The following CCDC102B variants were observed in gnomAD, a reference collection of about 807,000 sequenced individuals.
CCDC102B encodes coiled-coil domain-containing protein 102B.
CCDC102B carries 75 observed loss-of-function variants against 57.4 expected under a neutral mutation model. The ratio of observed to expected loss-of-function variants is 1.31; its 90% CI spans 1.08 to 1.58. The LOEUF is 1.58. Among genes scored for constraint, CCDC102B ranks in the 40% most tolerant of loss-of-function variants. The pLI is 0.00. For synonymous variants in CCDC102B, 206 were observed against 201.9 expected, an observed-to-expected ratio of 1.02 and a Z score of -0.17; for missense variants, 636 against 582.6, an observed-to-expected ratio of 1.09 and a Z score of -0.94.
At chr18:68,951,057 G>A (rs1411403726) in intron 6 of CCDC102B, among the ~76,000 whole-genome samples, 2 of 152,076 alleles carry the variant, frequency 1.3e-5, no homozygotes, top group East Asian at 3.9e-4. Flanking sequence ...AAGACTGATT[G>A]TGTAGGATTT....
chr18:68,821,548 T>G (rs2036689674), intron 1 of CCDC102B, among the ~76,000 whole-genome samples: 1 of 148,718 alleles, frequency 6.7e-6, no homozygotes. Context: ...ATACAGAGTT[T>G]TGTCCTATCT....
intron 2 of CCDC102B, among the ~76,000 whole-genome samples, chr18:68,737,740 C>G (rs1479179352): frequency 6.6e-6 from 1 of 152,102 alleles, no homozygotes; most frequent in African/African-American, 2.4e-5. Flanking sequence ...TTCATGATTA[C>G]AGTTAATTGC....
intron 6 of CCDC102B, among the ~76,000 whole-genome samples, chr18:68,999,240 G>T (rs1035241544): frequency 1.3e-5 from 2 of 151,884 alleles, no homozygotes; most frequent in East Asian, 3.9e-4. Context: ...TGCTTTGAGG[G>T]GAAAAAGAGA....
At chr18:68,853,450 C>A (rs187169616) in intron 4 of CCDC102B, among the ~76,000 whole-genome samples, 10 of 151,640 alleles carry the variant, frequency 6.6e-5, no homozygotes, top group Non-Finnish European at 1.2e-4. Flanking sequence ...ATTACTATAT[C>A]GCTCTCATAC....
chr18:68,785,162 C>A (rs182759884), intron 2 of CCDC102B, among the ~76,000 whole-genome samples: 15,290 of 151,716 alleles, frequency 0.1, 1,007 homozygotes, highest in East Asian at 0.29. Flanking sequence ...TGAACTCATC[C>A]TTTTTTATGG....
At chr18:68,853,679 A>G (rs1461869699) in intron 4 of CCDC102B, among the ~76,000 whole-genome samples, 1 of 66,668 alleles carries the variant, frequency 1.5e-5, no homozygotes, top group Non-Finnish European at 3.5e-5. Flanking sequence ...TTGTAAAAAA[A>G]AAAAAAAAAA....
intron 1 of CCDC102B, among the ~76,000 whole-genome samples, chr18:68,808,579 G>A (rs1297015781): frequency 6.9e-6 from 1 of 144,336 alleles, no homozygotes; most frequent in African/African-American, 2.6e-5. Context: ...CTGGGTTCAC[G>A]CCATTCTCCT....
intron 6 of CCDC102B, among the ~76,000 whole-genome samples, chr18:68,988,620 A>T (rs2050786599): frequency 6.6e-6 from 1 of 152,188 alleles, no homozygotes; most frequent in Admixed American, 6.5e-5. Context: ...GAACTCGGAA[A>T]TATAATACCT....
intron 2 of CCDC102B, among the ~76,000 whole-genome samples, chr18:68,784,920 G>A (rs2035141444): frequency 6.6e-6 from 1 of 151,650 alleles, no homozygotes; most frequent in African/African-American, 2.4e-5. Context: ...CTGGTGCGCT[G>A]CACCCACCAA....
At chr18:68,935,614 A>G (rs748763370) in intron 6 of CCDC102B, among the ~76,000 whole-genome samples, 1 of 151,916 alleles carries the variant, frequency 6.6e-6, no homozygotes, top group Non-Finnish European at 1.5e-5. Context: ...TTCAGCTTAT[A>G]ATGTTGGTTT....
At chr18:68,968,051 T>C (rs2050207376) in intron 6 of CCDC102B, among the ~76,000 whole-genome samples, 1 of 152,160 alleles carries the variant, frequency 6.6e-6, no homozygotes, top group Non-Finnish European at 1.5e-5. Context: ...ACAGTGATAA[T>C]GATTACACTA....
chr18:69,051,815 T>A (rs780978691), intron 7 of CCDC102B, among the ~76,000 whole-genome samples: 7 of 151,984 alleles, frequency 4.6e-5, no homozygotes, highest in Non-Finnish European at 7.4e-5. Context: ...TATGTACCTT[T>A]CAAAATGTGT....
chr18:68,730,922 G>A (rs2032831053), intron 2 of CCDC102B, among the ~76,000 whole-genome samples: 2 of 152,072 alleles, frequency 1.3e-5, no homozygotes, highest in Non-Finnish European at 1.5e-5. Context: ...ATCTTCTTTG[G>A]CACATTTAAA....
At chr18:68,850,263 T>C (rs1048718938) in intron 4 of CCDC102B, among the ~76,000 whole-genome samples, 4 of 152,078 alleles carry the variant, frequency 2.6e-5, no homozygotes, top group African/African-American at 7.2e-5. Flanking sequence ...GATAAATATA[T>C]TTTGAGGACT....
intron 2 of CCDC102B, among the ~76,000 whole-genome samples, chr18:68,787,277 G>C (rs2035249633): frequency 6.6e-6 from 1 of 151,450 alleles, no homozygotes; most frequent in Non-Finnish European, 1.5e-5. Context: ...AAGGATATTG[G>C]TCTAAAATTC....
At chr18:68,871,640 A>T (rs1175575558) in intron 4 of CCDC102B, among the ~76,000 whole-genome samples, 2 of 151,714 alleles carry the variant, frequency 1.3e-5, no homozygotes, top group Non-Finnish European at 2.9e-5. Context: ...ATTATTTTTT[A>T]TTTATTTTTT....
chr18:68,896,320 C>A (rs573547984), intron 5 of CCDC102B, among the ~76,000 whole-genome samples: 222 of 151,898 alleles, frequency 1.5e-3, no homozygotes, highest in Middle Eastern at 3.4e-3. Flanking sequence ...ATAACAAAAA[C>A]CAAAGGAGAT....
chr18:68,805,783 A>G lies in CCDC102B; in HGVS notation c.-16+7602A>G, dbSNP rs56899025. Among the ~76,000 whole-genome samples the G allele has an allele frequency of 7.3e-3, 1,104 of 152,270 alleles. 12 individuals carry two copies. Among genetic ancestry groups the G allele is most frequent in the African/African-American group, 0.024 (1,001 of 41,552 alleles). On this transcript the variant is annotated intron_variant, in intron 1 of 7. Transcript: ENST00000360242. ...TGAGAGGTGAGGATGTTGTAACGACACTATATATGAAATACTTTGGACATG... is the reference window on the plus strand; with the variant it reads ...TGAGAGGTGAGGATGTTGTAACGACGCTATATATGAAATACTTTGGACATG...
At chr18:68,962,477 T>A (rs932121580) in intron 6 of CCDC102B, among the ~76,000 whole-genome samples, 5 of 152,104 alleles carry the variant, frequency 3.3e-5, no homozygotes, top group African/African-American at 1.2e-4. Context: ...TATTGTACCA[T>A]GATTTTACAT....
Sources: gnomAD v4.1 joint callset for allele counts (sites outside exome capture counted in the v4.1 genomes callset) on GRCh38, gnomAD v4.1.1 for gene constraint, MANE v1.5 for transcripts, NCBI Gene and HGNC (gene_info 2026-07-23, HGNC 2026-07-21) for gene names.